Variants in KAZN observed in about 807,000 individuals in gnomAD.
KAZN encodes kazrin.
In KAZN, 40 loss-of-function variants were observed where a neutral mutation model predicts 87.4. The ratio of observed to expected loss-of-function variants is 0.46; its 90% CI spans 0.36 to 0.60. The LOEUF (loss-of-function observed/expected upper bound fraction) is 0.60. KAZN is among the 20% of genes least tolerant of loss of function. KAZN has a pLI of 0.00. For missense variants in KAZN, 898 were observed against 1,073.9 expected, an observed-to-expected ratio of 0.84 and a Z score of 2.29; for synonymous variants, 466 against 458.3, an observed-to-expected ratio of 1.02 and a Z score of -0.22.
intron 2 of KAZN, among the ~76,000 whole-genome samples, chr1:14,306,313 G>A (rs1266147098): frequency 1.3e-5 from 2 of 152,176 alleles, no homozygotes; most frequent in Non-Finnish European, 2.9e-5. Flanking sequence ...ATGTATTGGG[G>A]TTGACTCTGA....
chr1:14,357,848 C>T (rs756926406), intron 2 of KAZN, among the ~76,000 whole-genome samples: 43 of 152,260 alleles, frequency 2.8e-4, no homozygotes, highest in Non-Finnish European at 5.0e-4. Flanking sequence ...AGGATTTTTG[C>T]ACTGATGTTC....
intron 6 of KAZN, 66 bp from the exon 7 acceptor site, chr1:15,063,506 G>T: frequency 7.1e-7 from 1 of 1,407,762 alleles, no homozygotes; most frequent in Non-Finnish European, 1.0e-6. Flanking sequence ...CACCGCACGG[G>T]CCGCCTCTGC....
intron 2 of KAZN, among the ~76,000 whole-genome samples, chr1:14,234,735 A>C (rs1303189767): frequency 1.3e-5 from 2 of 152,230 alleles, no homozygotes; most frequent in Non-Finnish European, 2.9e-5. Context: ...AATTTGTGCC[A>C]AATCTGGAAG....
chr1:14,622,290 T>C (rs923664220), intron 1 of KAZN, among the ~76,000 whole-genome samples: 2 of 152,190 alleles, frequency 1.3e-5, no homozygotes, highest in Non-Finnish European at 2.9e-5. Context: ...AAGTATGGGT[T>C]TGCTTAATAT....
chr1:14,178,051 T>A (rs535464), intron 1 of KAZN, among the ~76,000 whole-genome samples: 42,367 of 151,898 alleles, frequency 0.28, 6,280 homozygotes, highest in African/African-American at 0.36. Flanking sequence ...ACCTCCATGC[T>A]GTTCTTATGA....
In KAZN at chr1:14,762,216, CAG is replaced by C. The variant is rs371132965; in HGVS notation, c.226+162997_226+162998del. Among the ~76,000 whole-genome samples the C allele has an allele frequency of 6.6e-4, 101 of 152,258 alleles. 1 individual carries two copies. Among genetic ancestry groups the C allele is most frequent in the African/African-American group, 2.4e-3 (101 of 41,538 alleles). ...GGGCCAAGGGACTTTGAGAGGTGGT[CAG>C]AGACATGGCCGCCATTCGATGGGGA... On this transcript the variant is annotated intron_variant, in intron 1 of 14. Transcript: ENST00000376030.
chr1:15,094,199 C>T lies in KAZN; in HGVS notation c.1242C>T (p.Ser414=), dbSNP rs914656076. The change falls in exon 9 of 15, where the codon AGC becomes AGT. Residue 414 remains serine, a synonymous_variant. Transcript: ENST00000376030. This position sits in a 1 kb window ranked among gnomAD's most constrained non-coding sequence, Gnocchi z 4.5. ...TTGCAGACTCGGACAGCCAGTGCAG[C>T]CCCACGCGGCAGAGCCTCAGCCTGT... is the stretch of plus-strand genomic sequence containing the variant. ...GLFDDSDSQC[S]PTRQSLSLSE... is the part of the protein sequence containing the mutation. 1.2e-6 allele frequency: 2 copies of T among 1,613,294 alleles called. No individual in the cohort carries two copies. Among genetic ancestry groups the T allele is most frequent in the African/African-American group, 2.7e-5 (2 of 74,918 alleles).
At position 14,911,626 on chromosome 1, in the gene KAZN, G is replaced by A. The variant is rs933981712; in HGVS notation, c.227-49058G>A. Reference sequence around the variant, plus strand: ...GGGAGAGCCCACACCCTTGGCCCCTGCTGGCACTGATGGTGCAGCTCTGGA... The same window carrying A: ...GGGAGAGCCCACACCCTTGGCCCCTACTGGCACTGATGGTGCAGCTCTGGA... On this transcript the variant is annotated intron_variant, in intron 1 of 14. Coordinates refer to ENST00000376030, the MANE Select transcript of KAZN (RefSeq NM_201628.3). Among the ~76,000 whole-genome samples the A allele has an allele frequency of 2.2e-4, 33 of 152,304 alleles. 1 individual carries two copies. The South Asian group carries it at 2.9e-3, about 13-fold the overall frequency.
chr1:15,098,866 A>G (rs1640915802), intron 10 of KAZN, among the ~76,000 whole-genome samples: 2 of 152,342 alleles, frequency 1.3e-5, no homozygotes, highest in South Asian at 4.1e-4. Flanking sequence ...GTGAGTGTGA[A>G]CTCAGAGCCT....
At chr1:14,712,132 C>G (rs571271562) in intron 1 of KAZN, among the ~76,000 whole-genome samples, 2 of 152,262 alleles carry the variant, frequency 1.3e-5, no homozygotes, top group South Asian at 4.2e-4. Context: ...AACCTAAAAG[C>G]TAATAGAAGC....
chr1:14,341,479 C>T (rs1441288950), intron 2 of KAZN, among the ~76,000 whole-genome samples: 8 of 152,210 alleles, frequency 5.3e-5, no homozygotes, highest in Non-Finnish European at 2.9e-5. Context: ...GCACCACTGT[C>T]CTTGTGTCCC....
chr1:15,105,824 G>A (rs971278866), intron 13 of KAZN, among the ~76,000 whole-genome samples: 3 of 152,148 alleles, frequency 2.0e-5, no homozygotes, highest in South Asian at 2.1e-4. Context: ...TCAAAGTGAG[G>A]CCCACCCCAC....
intron 14 of KAZN, chr1:15,113,168 AT>A (rs1470296954): frequency 6.6e-6 from 1 of 152,368 alleles, no homozygotes; most frequent in Non-Finnish European, 1.5e-5. Context: ...ATTCATAAAC[AT>A]GAATACATTG....
intron 1 of KAZN, among the ~76,000 whole-genome samples, chr1:13,983,296 G>C (rs1177274659): frequency 2.0e-5 from 3 of 152,258 alleles, no homozygotes; most frequent in Non-Finnish European, 4.4e-5. Flanking sequence ...TGCAGGTCCC[G>C]AGCCCTGCCC....
At chr1:14,888,424 G>C (rs924079787) in intron 1 of KAZN, among the ~76,000 whole-genome samples, 1 of 152,170 alleles carries the variant, frequency 6.6e-6, no homozygotes, top group Non-Finnish European at 1.5e-5. Context: ...CAGGTAGGAG[G>C]CTCCAATCAG....
chr1:14,380,630 G>C (rs143691937), intron 2 of KAZN, among the ~76,000 whole-genome samples: 3 of 152,232 alleles, frequency 2.0e-5, no homozygotes, highest in Non-Finnish European at 2.9e-5. Flanking sequence ...GCAGAAATAA[G>C]TAATGAGGCT....
intron 2 of KAZN, among the ~76,000 whole-genome samples, chr1:14,197,406 AG>A (rs1646549755): frequency 6.7e-6 from 1 of 149,622 alleles, no homozygotes; most frequent in African/African-American, 2.5e-5. Context: ...AAAAAAAAAA[AG>A]GCCAGTCAAG....
At chr1:14,804,721 G>A (rs1251047376) in intron 1 of KAZN, among the ~76,000 whole-genome samples, 3 of 152,182 alleles carry the variant, frequency 2.0e-5, no homozygotes, top group African/African-American at 7.2e-5. Context: ...AAAATGCACA[G>A]ATACAGGTAA....
chr1:14,305,453 G>GA (rs912109683), intron 2 of KAZN, among the ~76,000 whole-genome samples: 10 of 151,400 alleles, frequency 6.6e-5, no homozygotes, highest in South Asian at 6.3e-4. Flanking sequence ...GAAAAGGTTG[G>GA]AAAAAAAACA....
Sources: gnomAD v4.1 joint callset for allele counts (sites outside exome capture counted in the v4.1 genomes callset) on GRCh38, gnomAD v4.1.1 for gene constraint, Gnocchi (gnomAD v3.1) non-coding constraint, MANE v1.5 for transcripts, NCBI Gene and HGNC (gene_info 2026-07-23, HGNC 2026-07-21) for gene names.